DSCAML1: variants seen among roughly 807,000 people sequenced by gnomAD.
The protein encoded by DSCAML1 is DS cell adhesion molecule like 1, also known as cell adhesion molecule DSCAML1.
DSCAML1 carries 38 observed loss-of-function variants against 200.5 expected under a neutral mutation model. That is an observed-to-expected ratio of 0.19 (90% CI 0.15 to 0.25). The LOEUF is 0.25. DSCAML1 is among the 10% of genes least tolerant of loss of function. The pLI is 1.00. For synonymous variants in DSCAML1, 1,215 were observed against 1,165.0 expected (o/e 1.04, Z -0.87); for missense variants, 2,223 against 2,858.8 (o/e 0.78, Z 5.07).
chr11:117,793,604 T>TG (rs1476280399), intron 1 of DSCAML1, among the ~76,000 whole-genome samples: 1 of 152,110 alleles, frequency 6.6e-6, no homozygotes, highest in African/African-American at 2.4e-5. Context: ...ACCCTGTGTC[T>TG]GGGGGCTCCT....
Position 117,430,507 on chromosome 11 carries a change from G to A in DSCAML1, c.5686+215C>T, listed in dbSNP as rs76400679. Among the ~76,000 whole-genome samples the A allele has an allele frequency of 1.7e-4, 26 of 152,330 alleles. 1 individual carries two copies. In the East Asian group the frequency reaches 5.0e-3, roughly 29 times the overall value. On this transcript the variant is annotated intron_variant, in intron 32 of 32. Transcript: ENST00000651296. ...TAAGGCCACAGAGGTTAAATGACTT[G>A]CCCAAGGCCACAGACATAGGAAGAG... is the stretch of plus-strand genomic sequence containing the variant.
chr11:117,613,355 G>T (rs1352823218), intron 3 of DSCAML1, among the ~76,000 whole-genome samples: 1 of 152,078 alleles, frequency 6.6e-6, no homozygotes, highest in Non-Finnish European at 1.5e-5. Context: ...AAGACTCCCT[G>T]GAAGAGGTGA....
At chr11:117,531,216 G>A (rs1284837144) in intron 4 of DSCAML1, among the ~76,000 whole-genome samples, 2 of 152,098 alleles carry the variant, frequency 1.3e-5, no homozygotes, top group Non-Finnish European at 2.9e-5. Context: ...CCTTCTATGG[G>A]GTCCTGTAGC....
chr11:117,486,354 C>T (rs112734937), intron 11 of DSCAML1, among the ~76,000 whole-genome samples: 1 of 149,604 alleles, frequency 6.7e-6, no homozygotes, highest in African/African-American at 2.5e-5. Flanking sequence ...GTGATAATGG[C>T]GGATGTGAAA....
chr11:117,773,283 C>A (rs1483861821), intron 3 of DSCAML1, among the ~76,000 whole-genome samples: 3 of 152,120 alleles, frequency 2.0e-5, no homozygotes, highest in Non-Finnish European at 4.4e-5. Context: ...CTCTGATGGG[C>A]CCACACCAGT....
intron 8 of DSCAML1, among the ~76,000 whole-genome samples, chr11:117,506,354 G>A (rs2049497333): frequency 6.6e-6 from 1 of 151,982 alleles, no homozygotes; most frequent in South Asian, 2.1e-4. Context: ...TACCAATAAT[G>A]TCCCCATTTT....
chr11:117,620,380 CTCTT>C (rs1314073092), intron 3 of DSCAML1, among the ~76,000 whole-genome samples: 3 of 152,190 alleles, frequency 2.0e-5, no homozygotes, highest in Admixed American at 2.0e-4. Context: ...CCCCTCTCCT[CTCTT>C]TCTCTGTCCT....
intron 21 of DSCAML1, among the ~76,000 whole-genome samples, chr11:117,440,590 C>A (rs2048023356): frequency 6.6e-6 from 1 of 152,154 alleles, no homozygotes; most frequent in Admixed American, 6.5e-5. Flanking sequence ...TGGACTCCCT[C>A]TTAGAAAGCC....
chr11:117,811,460 AC>A (rs1454400647), intron 1 of DSCAML1, among the ~76,000 whole-genome samples: 1 of 152,146 alleles, frequency 6.6e-6, no homozygotes, highest in Non-Finnish European at 1.5e-5. Context: ...TGTGAGACAA[AC>A]CCCAGCTACA....
chr11:117,460,629 C>T (rs574614474), intron 18 of DSCAML1, among the ~76,000 whole-genome samples: 1 of 152,256 alleles, frequency 6.6e-6, no homozygotes, highest in South Asian at 2.1e-4. Context: ...TCTGTGTACA[C>T]CAGTGGGCAG....
At chr11:117,726,266 C>CGTGT (rs112110901) in intron 3 of DSCAML1, among the ~76,000 whole-genome samples, 6,596 of 145,776 alleles carry the variant, frequency 0.045, 164 homozygotes, top group East Asian at 0.11. Context: ...TGTGTGTGTG[C>CGTGT]GTGTGTGTGT....
At chr11:117,445,779 G>A (rs2137104313) in intron 20 of DSCAML1, among the ~76,000 whole-genome samples, 1 of 152,276 alleles carries the variant, frequency 6.6e-6, no homozygotes, top group Non-Finnish European at 1.5e-5. Flanking sequence ...GGCAGGGCAA[G>A]AAAGTTTGGC....
At chr11:117,639,364 G>C (rs1231857236) in intron 3 of DSCAML1, among the ~76,000 whole-genome samples, 7 of 147,868 alleles carry the variant, frequency 4.7e-5, no homozygotes, top group Non-Finnish European at 1.5e-5. Context: ...GGATGGATGG[G>C]AGGCCGGATG....
At chr11:117,431,895 G>A (rs1384148631) in intron 30 of DSCAML1, among the ~76,000 whole-genome samples, 167 bp from the exon 31 acceptor site, 2 of 151,828 alleles carry the variant, frequency 1.3e-5, no homozygotes, top group Non-Finnish European at 2.9e-5. Flanking sequence ...GTCCCCAGAG[G>A]AGAAGAGCAA....
chr11:117,583,517 C>T (rs755162447), intron 3 of DSCAML1, among the ~76,000 whole-genome samples: 30 of 152,180 alleles, frequency 2.0e-4, no homozygotes, highest in Non-Finnish European at 3.2e-4. Flanking sequence ...GGGATGCCTT[C>T]CCTGATTAGC....
intron 3 of DSCAML1, among the ~76,000 whole-genome samples, chr11:117,560,965 G>C (rs573944372): frequency 2.0e-5 from 3 of 152,210 alleles, no homozygotes; most frequent in Admixed American, 2.0e-4. Context: ...GGGCTCCAGG[G>C]CTGCCAGATG....
At chr11:117,725,741 G>T (rs2054115651) in intron 3 of DSCAML1, among the ~76,000 whole-genome samples, 1 of 152,210 alleles carries the variant, frequency 6.6e-6, no homozygotes, top group African/African-American at 2.4e-5. Flanking sequence ...TCCAGGGGTT[G>T]GGGGAATTGT....
intron 15 of DSCAML1, 72 bp from the exon 16 acceptor site, chr11:117,470,052 C>T: frequency 2.2e-6 from 3 of 1,389,508 alleles, no homozygotes; most frequent in Admixed American, 4.1e-5. Flanking sequence ...TATGTTCCCA[C>T]TCCCACCCTC....
At chr11:117,756,257 C>T (rs919923144) in intron 3 of DSCAML1, among the ~76,000 whole-genome samples, 1 of 152,166 alleles carries the variant, frequency 6.6e-6, no homozygotes, top group Admixed American at 6.5e-5. Flanking sequence ...GGCAGGGATG[C>T]CTTTCTGTGT....
Sources: gnomAD v4.1 joint callset for allele counts (sites outside exome capture counted in the v4.1 genomes callset) on GRCh38, gnomAD v4.1.1 for gene constraint, MANE v1.5 for transcripts, NCBI Gene and HGNC (gene_info 2026-07-23, HGNC 2026-07-21) for gene names.